NAALADL2: variants seen among roughly 807,000 people sequenced by gnomAD.
NAALADL2 encodes N-acetylated alpha-linked acidic dipeptidase like 2, also known as inactive N-acetylated-alpha-linked acidic dipeptidase-like protein 2.
NAALADL2 carries 76 observed loss-of-function variants against 87.2 expected under a neutral mutation model. The ratio of observed to expected loss-of-function variants is 0.87; its 90% CI spans 0.72 to 1.05. NAALADL2 has a LOEUF of 1.05. NAALADL2 is among the 50% of genes least tolerant of loss of function. The pLI, the probability that NAALADL2 is intolerant of heterozygous loss-of-function variation, is 0.00. For synonymous variants in NAALADL2, 354 were observed against 331.0 expected (o/e 1.07, Z -0.75); for missense variants, 1,089 against 945.8 (o/e 1.15, Z -1.99).
chr3:175,793,150 TGGG>T (rs1752997407), intron 13 of NAALADL2, among the ~76,000 whole-genome samples: 1 of 152,150 alleles, frequency 6.6e-6, no homozygotes, highest in Admixed American at 6.5e-5. Flanking sequence ...ATTCATACCA[TGGG>T]GAACTACCTC....
chr3:174,777,205 C>A (rs1466018946), intron 3 of NAALADL2, among the ~76,000 whole-genome samples: 1 of 152,034 alleles, frequency 6.6e-6, no homozygotes, highest in Admixed American at 6.6e-5. Context: ...TACATTAAAT[C>A]AGCAGAATAT....
intron 4 of NAALADL2, among the ~76,000 whole-genome samples, chr3:175,271,557 C>T (rs1752839301): frequency 2.0e-5 from 3 of 152,040 alleles, no homozygotes; most frequent in Admixed American, 2.0e-4. Flanking sequence ...TTTGGCAGGC[C>T]GAGGTGGGTG....
rs149949495 is a variant in NAALADL2, at chr3:175,255,832, C to T, written c.820-579C>T. Among the ~76,000 whole-genome samples, 1,296 of 152,216 alleles carry T rather than the reference C, an allele frequency of 8.5e-3. 19 individuals carry two copies. The highest frequency in any genetic ancestry group is 0.03 in the African/African-American group (1,231 of 41,524). On this transcript the variant is annotated intron_variant, in intron 3 of 13. Transcript: ENST00000454872. ...AGAAATGATAATTTGGGGCCATGTT[C>T]TAAAGTCCTGGGTTGCTAGACTGCC... is the stretch of plus-strand genomic sequence containing the variant.
intron 11 of NAALADL2, among the ~76,000 whole-genome samples, chr3:175,677,808 T>A (rs140114964): frequency 2.0e-5 from 3 of 152,218 alleles, no homozygotes; most frequent in Non-Finnish European, 4.4e-5. Flanking sequence ...TTTATGAATT[T>A]AATGATTATA....
At chr3:174,457,345 A>G (rs1389578550) in intron 1 of NAALADL2, among the ~76,000 whole-genome samples, 1 of 152,188 alleles carries the variant, frequency 6.6e-6, no homozygotes. Context: ...CAGCAACCCC[A>G]TTACTGTTTA....
At chr3:175,062,524 G>GTT (rs1713729781) in intron 1 of NAALADL2, among the ~76,000 whole-genome samples, 2 of 138,998 alleles carry the variant, frequency 1.4e-5, no homozygotes, top group Admixed American at 7.4e-5. Flanking sequence ...GTGTGTGTGT[G>GTT]TTTCCAACTG....
At chr3:174,921,597 C>T (rs1384617251) in intron 1 of NAALADL2, among the ~76,000 whole-genome samples, 6 of 151,820 alleles carry the variant, frequency 4.0e-5, no homozygotes, top group South Asian at 2.1e-4. Context: ...GTCAGGAGAT[C>T]GAGACCATCC....
chr3:174,856,132 G>C (rs144458085), upstream of NAALADL2, among the ~76,000 whole-genome samples: 535 of 151,864 alleles, frequency 3.5e-3, 3 homozygotes, highest in Middle Eastern at 0.02. Context: ...TCAGTCTCTT[G>C]AGTAGGTGTA....
chr3:175,787,406 A>C (rs968768608), intron 13 of NAALADL2, among the ~76,000 whole-genome samples: 2 of 152,128 alleles, frequency 1.3e-5, no homozygotes, highest in Non-Finnish European at 2.9e-5. Flanking sequence ...GCGGGATGTA[A>C]TCTTGTGGTG....
chr3:175,070,399 A>T (rs1454829103), intron 1 of NAALADL2, among the ~76,000 whole-genome samples: 1 of 152,028 alleles, frequency 6.6e-6, no homozygotes, highest in Non-Finnish European at 1.5e-5. Flanking sequence ...AATCTCCTAG[A>T]TGATGTAGAA....
intron 4 of NAALADL2, among the ~76,000 whole-genome samples, chr3:175,289,852 C>G (rs1755433328): frequency 6.6e-6 from 1 of 151,924 alleles, no homozygotes; most frequent in Non-Finnish European, 1.5e-5. Flanking sequence ...AGAAAATATT[C>G]TCAATATATA....
intron 5 of NAALADL2, among the ~76,000 whole-genome samples, chr3:175,383,937 T>A (rs1217896699): frequency 1.3e-5 from 2 of 152,106 alleles, no homozygotes; most frequent in African/African-American, 4.8e-5. Flanking sequence ...AGACAATAAT[T>A]CTGATTCTGT....
intron 9 of NAALADL2, among the ~76,000 whole-genome samples, chr3:175,510,950 A>C (rs1481906596): frequency 6.6e-6 from 1 of 152,148 alleles, no homozygotes; most frequent in Admixed American, 6.5e-5. Context: ...TACAAATGTT[A>C]TTTGTTACTA....
intron 9 of NAALADL2, among the ~76,000 whole-genome samples, chr3:175,521,372 T>C (rs903478281): frequency 3.9e-5 from 6 of 152,128 alleles, no homozygotes; most frequent in Non-Finnish European, 8.8e-5. Flanking sequence ...TAGATTTTTG[T>C]TGTTCAAAAT....
chr3:174,884,505 C>A (rs1288501335), intron 1 of NAALADL2, among the ~76,000 whole-genome samples: 1 of 152,058 alleles, frequency 6.6e-6, no homozygotes, highest in Admixed American at 6.6e-5. Flanking sequence ...GTGCCTTGGT[C>A]AAAGGCAATG....
chr3:175,051,863 A>G (rs914975887), intron 1 of NAALADL2, among the ~76,000 whole-genome samples: 3 of 152,152 alleles, frequency 2.0e-5, no homozygotes, highest in Admixed American at 1.3e-4. Flanking sequence ...GAACCAACTG[A>G]ACACATAAAG....
chr3:175,175,520 A>G (rs1047012411), intron 2 of NAALADL2, among the ~76,000 whole-genome samples: 41 of 152,080 alleles, frequency 2.7e-4, no homozygotes, highest in African/African-American at 9.1e-4. Context: ...TGTCCGTGTA[A>G]ATTTCATATA....
chr3:175,667,225 AAGAAAGAAAGAAAGAAAAAGAAAG>A (rs2149830804), intron 11 of NAALADL2, among the ~76,000 whole-genome samples: 1 of 124,598 alleles, frequency 8.0e-6, no homozygotes, highest in African/African-American at 4.4e-5. Flanking sequence ...GAAAGAAAGA[AAGAAAGAAAGAAAGAAAAAGAAAG>A]AAAGAAAGAA....
intron 5 of NAALADL2, among the ~76,000 whole-genome samples, chr3:175,356,900 T>G (rs1421684000): frequency 1.3e-5 from 2 of 152,126 alleles, no homozygotes; most frequent in Non-Finnish European, 2.9e-5. Flanking sequence ...TAATTACTAT[T>G]GTTATTTTTC....
Sources: allele counts gnomAD v4.1 joint callset (sites outside exome capture counted in the v4.1 genomes callset), GRCh38; gene constraint gnomAD v4.1.1; transcripts MANE v1.5; gene names NCBI Gene and HGNC (gene_info 2026-07-23, HGNC 2026-07-21).